The following ERGIC1 variants were observed in gnomAD, a reference collection of about 807,000 sequenced individuals.
ERGIC1 encodes the protein endoplasmic reticulum-Golgi intermediate compartment protein 1.
A neutral mutation model predicts 38.3 loss-of-function variants in ERGIC1; 19 were observed. The ratio of observed to expected loss-of-function variants is 0.50; its 90% CI spans 0.35 to 0.73. The LOEUF is 0.73. Ranked by LOEUF, ERGIC1 falls within the 30% of genes least tolerant of loss-of-function variation. ERGIC1 has a pLI of 0.01. For synonymous variants in ERGIC1, 124 were observed against 157.6 expected (o/e 0.79, Z 1.60); for missense variants, 294 against 389.2 (o/e 0.76, Z 2.06).
rs750184723 is a variant in ERGIC1, at chr5:172,924,078, T to A, written c.449T>A (p.Ile150Asn). The A allele has an allele frequency of 5.6e-6, 9 of 1,614,168 alleles. No individual in the cohort carries two copies. The highest frequency in any genetic ancestry group is 7.6e-6 in the Non-Finnish European group (9 of 1,180,048). ...CAGAACCCAGACATGACGCATGTCATCCACAAGCTCTCCTTTGGGGACACG... is the reference window on the plus strand; with the variant it reads ...CAGAACCCAGACATGACGCATGTCAACCACAAGCTCTCCTTTGGGGACACG... ...QPQNPDMTHV[I>N]HKLSFGDTLQ... The change falls in exon 6 of 10, where the codon ATC (isoleucine) becomes AAC (asparagine). Residue 150 changes from isoleucine (I) to asparagine (N), a missense_variant. Coordinates refer to ENST00000393784, the MANE Select transcript of ERGIC1 (RefSeq NM_001031711.3).
At chr5:172,889,203 G>C (rs1029704573) in intron 2 of ERGIC1, among the ~76,000 whole-genome samples, 1 of 152,000 alleles carries the variant, frequency 6.6e-6, no homozygotes, top group African/African-American at 2.4e-5. Context: ...AGAATCGCTT[G>C]AAACAGGGAG....
chr5:172,872,209 G>T (rs1021608750), intron 1 of ERGIC1, among the ~76,000 whole-genome samples: 1 of 151,940 alleles, frequency 6.6e-6, no homozygotes, highest in African/African-American at 2.4e-5. Context: ...CTCCAGCCTC[G>T]TCCCCATGTG....
intron 1 of ERGIC1, among the ~76,000 whole-genome samples, chr5:172,871,488 G>C (rs1419144461): frequency 1.3e-5 from 2 of 152,198 alleles, no homozygotes; most frequent in African/African-American, 4.8e-5. Flanking sequence ...TCCTTAACCT[G>C]TTTTATTTTT....
intron 1 of ERGIC1, among the ~76,000 whole-genome samples, chr5:172,852,813 A>G (rs989898366): frequency 5.3e-5 from 8 of 152,260 alleles, no homozygotes; most frequent in African/African-American, 1.9e-4. Context: ...GCACGCAGCC[A>G]TGCGACGTGC....
chr5:172,910,520 CTTT>C (rs58360974), intron 4 of ERGIC1, among the ~76,000 whole-genome samples: 8 of 139,010 alleles, frequency 5.8e-5, no homozygotes, highest in African/African-American at 8.5e-5. Flanking sequence ...TGAATTACTT[CTTT>C]TTTTTTTTTT....
chr5:172,901,311 T>A (rs1202469770), intron 3 of ERGIC1, among the ~76,000 whole-genome samples: 1 of 152,128 alleles, frequency 6.6e-6, no homozygotes, highest in Non-Finnish European at 1.5e-5. Context: ...GGCCGTTAAT[T>A]ATCCTTGGGA....
At chr5:172,903,104 C>T (rs944938792) in intron 3 of ERGIC1, among the ~76,000 whole-genome samples, 4 of 152,108 alleles carry the variant, frequency 2.6e-5, no homozygotes, top group Admixed American at 6.5e-5. Flanking sequence ...AATGTGCTCC[C>T]GACTGCTCCA....
At chr5:172,942,858 T>C (rs1231109175) in intron 9 of ERGIC1, among the ~76,000 whole-genome samples, 1 of 152,190 alleles carries the variant, frequency 6.6e-6, no homozygotes, top group Non-Finnish European at 1.5e-5. Flanking sequence ...TCCAACACTT[T>C]GCTGACGGGG....
chr5:172,936,571 C>G (rs116960316), intron 9 of ERGIC1: 2 of 152,300 alleles, frequency 1.3e-5, no homozygotes, highest in Non-Finnish European at 2.9e-5. Flanking sequence ...GGAGGCAGAA[C>G]AGTGGGATGT....
At chr5:172,859,174 C>T (rs906202442) in intron 1 of ERGIC1, among the ~76,000 whole-genome samples, 3 of 152,172 alleles carry the variant, frequency 2.0e-5, no homozygotes, top group African/African-American at 2.4e-5. Context: ...AGTCCCCTTA[C>T]GTGCACATTT....
At chr5:172,845,945 C>G (rs1018745250) in intron 1 of ERGIC1, among the ~76,000 whole-genome samples, 1 of 152,074 alleles carries the variant, frequency 6.6e-6, no homozygotes, top group African/African-American at 2.4e-5. Flanking sequence ...CTCGGTCGGT[C>G]CCTGTTTTCT....
chr5:172,898,611 C>G (rs1430033878), intron 3 of ERGIC1: 1 of 152,218 alleles, frequency 6.6e-6, no homozygotes, highest in Non-Finnish European at 1.5e-5. Flanking sequence ...CATTGGGAGA[C>G]CCAGGGCCAG....
At chr5:172,942,309 G>C (rs1176038032) in intron 9 of ERGIC1, among the ~76,000 whole-genome samples, 2 of 152,090 alleles carry the variant, frequency 1.3e-5, no homozygotes, top group Non-Finnish European at 2.9e-5. Context: ...CTTGGCCCTG[G>C]GGTGGCAGGA....
chr5:172,884,536 T>G (rs993365445), intron 1 of ERGIC1, among the ~76,000 whole-genome samples: 1 of 152,220 alleles, frequency 6.6e-6, no homozygotes, highest in African/African-American at 2.4e-5. Flanking sequence ...ATTACAAGCA[T>G]GAGCCACTGA....
chr5:172,848,728 G>A (rs564375473), intron 1 of ERGIC1, among the ~76,000 whole-genome samples: 2 of 152,362 alleles, frequency 1.3e-5, no homozygotes, highest in African/African-American at 4.8e-5. Flanking sequence ...TAGAGAGACA[G>A]GGAGGAAGGG....
chr5:172,853,921 G>A (rs1409055711), intron 1 of ERGIC1, among the ~76,000 whole-genome samples: 2 of 152,192 alleles, frequency 1.3e-5, no homozygotes, highest in Non-Finnish European at 2.9e-5. Context: ...TCAATAAAAT[G>A]GTTTGTTGCT....
rs1257611191 is a variant in ERGIC1, at chr5:172,926,349, GC to G, written c.481-156del. Among the ~76,000 whole-genome samples the G allele has an allele frequency of 1.3e-5, 2 of 152,192 alleles. No individual in the cohort carries two copies. Among genetic ancestry groups the G allele is most frequent in the Non-Finnish European group, 2.9e-5 (2 of 68,028 alleles). On this transcript the variant is annotated intron_variant, in intron 6 of 9. Transcript: ENST00000393784. The surrounding 1 kb of genome is among the most constrained non-coding windows in gnomAD (Gnocchi z 5.2). Reference sequence around the variant, plus strand: ...CAAGCTTGTGCCTACTATGTGCCAGGCCCCTGCTGCCTCTTGCTCCCCACAA... The same window carrying G: ...CAAGCTTGTGCCTACTATGTGCCAGGCCCTGCTGCCTCTTGCTCCCCACAA...
rs1464672183 is a variant in ERGIC1, at chr5:172,926,865, T to A, written c.541+296T>A. 1 of 395,446 alleles carries A rather than the reference T, an allele frequency of 2.5e-6. No individual in the cohort carries two copies. Among genetic ancestry groups the A allele is most frequent in the African/African-American group, 2.0e-5 (1 of 49,226 alleles). The allele number at this position is 395,446 out of a possible 1,614,324, so 24.5% of individuals were successfully genotyped here. ...CTCATCACAGCCACATCATCATCCT[T>A]AGTTGAACTAATTACCTAAGATCCC... On this transcript the variant is annotated intron_variant, in intron 7 of 9. Transcript: ENST00000393784. This position sits in a 1 kb window ranked among gnomAD's most constrained non-coding sequence, Gnocchi z 5.2.
At chr5:172,892,064 T>G (rs1048578391) in intron 2 of ERGIC1, among the ~76,000 whole-genome samples, 1 of 40,530 alleles carries the variant, frequency 2.5e-5, no homozygotes, top group African/African-American at 1.2e-4. Context: ...AAGAGTATGT[T>G]TTTTTTTTTT....
Sources: allele counts gnomAD v4.1 joint callset (sites outside exome capture counted in the v4.1 genomes callset), GRCh38; gene constraint gnomAD v4.1.1; non-coding constraint Gnocchi (gnomAD v3.1); transcripts MANE v1.5; gene names NCBI Gene and HGNC (gene_info 2026-07-23, HGNC 2026-07-21).